CCSER1: variants seen among roughly 807,000 people sequenced by gnomAD.
CCSER1 encodes serine-rich coiled-coil domain-containing protein 1.
In CCSER1, 41 loss-of-function variants were observed where a neutral mutation model predicts 82.0. The ratio of observed to expected loss-of-function variants is 0.50; its 90% CI spans 0.39 to 0.65. CCSER1 has a LOEUF of 0.65. CCSER1 is among the 30% of genes least tolerant of loss of function. The pLI is 0.00. For missense variants in CCSER1, 1,119 were observed against 1,064.2 expected (o/e 1.05, Z -0.72); for synonymous variants, 414 against 383.9 (o/e 1.08, Z -0.92).
chr4:90,902,941 T>A (rs1051410799), intron 8 of CCSER1, among the ~76,000 whole-genome samples: 1 of 151,992 alleles, frequency 6.6e-6, no homozygotes, highest in African/African-American at 2.4e-5. Flanking sequence ...AGGGACATGA[T>A]CCACTTCCCT....
intron 10 of CCSER1, among the ~76,000 whole-genome samples, chr4:91,377,893 T>C (rs375757581): frequency 6.6e-6 from 1 of 152,240 alleles, no homozygotes; most frequent in Non-Finnish European, 1.5e-5. Context: ...GTCTAACATT[T>C]AAGTCTTTAA....
intron 1 of CCSER1, among the ~76,000 whole-genome samples, chr4:90,260,866 C>G (rs1724205135): frequency 1.3e-5 from 2 of 152,216 alleles, no homozygotes; most frequent in South Asian, 2.1e-4. Flanking sequence ...CAGGCGTGTG[C>G]CAGCACACCT....
intron 4 of CCSER1, among the ~76,000 whole-genome samples, chr4:90,400,529 A>G (rs1043304494): frequency 1.3e-5 from 2 of 152,110 alleles, no homozygotes; most frequent in Admixed American, 6.5e-5. Flanking sequence ...TACTGCTCCA[A>G]ATCTTAGCCA....
intron 3 of CCSER1, among the ~76,000 whole-genome samples, chr4:90,335,148 T>C (rs1266467445): frequency 6.6e-6 from 1 of 152,168 alleles, no homozygotes; most frequent in Admixed American, 6.5e-5. Flanking sequence ...TAAAAGACAC[T>C]GGACATGAAG....
chr4:91,124,451 C>T (rs116207873), intron 10 of CCSER1, among the ~76,000 whole-genome samples: 2,728 of 151,684 alleles, frequency 0.018, 46 homozygotes, highest in Non-Finnish European at 0.028. Flanking sequence ...TGTATTTATC[C>T]TCATGAACAG....
At chr4:90,229,829 T>G (rs1255793914) in intron 1 of CCSER1, among the ~76,000 whole-genome samples, 5 of 152,074 alleles carry the variant, frequency 3.3e-5, no homozygotes, top group South Asian at 2.1e-4. Flanking sequence ...TCCTAGTCTC[T>G]GATAAAACAG....
chr4:91,289,789 T>C (rs1051377172), intron 10 of CCSER1, among the ~76,000 whole-genome samples: 11 of 151,714 alleles, frequency 7.3e-5, no homozygotes, highest in Non-Finnish European at 1.3e-4. Flanking sequence ...GAGAAAACAA[T>C]AAAGAAGAAA....
chr4:91,423,546 T>C (rs1357778831), intron 10 of CCSER1, among the ~76,000 whole-genome samples: 1 of 152,148 alleles, frequency 6.6e-6, no homozygotes, highest in Admixed American at 6.5e-5. Context: ...ATATTCCTTA[T>C]TTTATAAAGA....
At chr4:90,889,391 C>A (rs753469133) in intron 8 of CCSER1, among the ~76,000 whole-genome samples, 11 of 152,104 alleles carry the variant, frequency 7.2e-5, no homozygotes, top group African/African-American at 2.2e-4. Context: ...CTTCTCCCCA[C>A]GCAAGTTAAG....
In CCSER1 at chr4:91,599,135, C is replaced by A; in HGVS notation, c.*78C>A. ...CGTGCATAGTTCATATTAAAATTGT[C>A]ATGTACTTTTTCTTACATTTTAGTT... is the stretch of plus-strand genomic sequence containing the variant. On this transcript the variant is annotated 3_prime_UTR_variant, in exon 11 of 11. Transcript: ENST00000509176. The A allele has an allele frequency of 7.2e-7, 1 of 1,387,076 alleles. No homozygotes were observed. The highest frequency in any genetic ancestry group is 9.5e-7 in the Non-Finnish European group (1 of 1,052,762). 85.9% of individuals were successfully genotyped at this position (1,387,076 alleles called of 1,614,324 possible).
chr4:90,767,706 G>A (rs958742855), intron 7 of CCSER1, among the ~76,000 whole-genome samples: 2 of 151,884 alleles, frequency 1.3e-5, no homozygotes, highest in African/African-American at 4.8e-5. Flanking sequence ...TCTCGTTCTC[G>A]CTCTGTCACC....
At position 91,601,532 on chromosome 4, in the gene CCSER1, T is replaced by C. The variant is rs960301489; in HGVS notation, c.*2475T>C. ...CCTCTTGTGTATATATAGTAACTTA[T>C]AACAATGGCATGTGGGCATTCTTTC... On this transcript the variant is annotated 3_prime_UTR_variant, in exon 11 of 11. Coordinates refer to ENST00000509176, the MANE Select transcript of CCSER1 (RefSeq NM_001145065.2). The C allele has an allele frequency of 6.6e-6, 1 of 152,044 alleles. No individual in the cohort carries two copies. The highest frequency in any genetic ancestry group is 2.4e-5 in the African/African-American group (1 of 41,458). 9.4% of individuals were successfully genotyped at this position (152,044 alleles called of 1,614,324 possible). A position where few individuals can be genotyped will look rare whatever the true frequency, so the allele number is the denominator to read the frequency against.
chr4:90,993,106 C>G (rs536307824), intron 9 of CCSER1, among the ~76,000 whole-genome samples: 1 of 152,120 alleles, frequency 6.6e-6, no homozygotes, highest in South Asian at 2.1e-4. Flanking sequence ...CTGTTGCTTC[C>G]AAAATCTATG....
At chr4:90,196,690 A>ACACACACACACAC in intron 1 of CCSER1, among the ~76,000 whole-genome samples, 1 of 62,020 alleles carries the variant, frequency 1.6e-5, no homozygotes, top group East Asian at 1.0e-3. Flanking sequence ...CACACACACA[A>ACACACACACACAC]TCTTAGCTCA....
intron 10 of CCSER1, among the ~76,000 whole-genome samples, chr4:91,533,374 T>G (rs552371373): frequency 4.6e-5 from 7 of 152,308 alleles, no homozygotes; most frequent in South Asian, 2.1e-4. Flanking sequence ...ATCTCATATA[T>G]ATTTTGGAAG....
intron 6 of CCSER1, among the ~76,000 whole-genome samples, chr4:90,645,109 CG>C (rs1480507437): frequency 1.3e-5 from 2 of 151,190 alleles, no homozygotes; most frequent in Non-Finnish European, 3.0e-5. Context: ...AAAAAAGACA[CG>C]ATCTCATTCT....
intron 10 of CCSER1, among the ~76,000 whole-genome samples, chr4:91,386,083 C>G (rs1043464507): frequency 1.6e-4 from 24 of 151,594 alleles, no homozygotes; most frequent in African/African-American, 5.8e-4. Context: ...GAATAATGAG[C>G]ACTTTTAGTG....
intron 4 of CCSER1, among the ~76,000 whole-genome samples, chr4:90,400,917 G>C (rs144318671): frequency 0.01 from 1,548 of 152,132 alleles, 17 homozygotes; most frequent in South Asian, 0.03. Context: ...GCTTTAGAAC[G>C]TTGGGACCTA....
At chr4:91,544,309 C>T (rs577688763) in intron 10 of CCSER1, among the ~76,000 whole-genome samples, 1 of 152,202 alleles carries the variant, frequency 6.6e-6, no homozygotes, top group Admixed American at 6.6e-5. Context: ...CTTCTCTCAA[C>T]TCGTCAAAGT....
Sources: allele counts gnomAD v4.1 joint callset (sites outside exome capture counted in the v4.1 genomes callset), GRCh38; gene constraint gnomAD v4.1.1; transcripts MANE v1.5; gene names NCBI Gene and HGNC (gene_info 2026-07-23, HGNC 2026-07-21).